The following NDUFB7 variants were observed in gnomAD, a reference collection of about 807,000 sequenced individuals.
NDUFB7 encodes NADH dehydrogenase [ubiquinone] 1 beta subcomplex subunit 7.
NDUFB7 carries 18 observed loss-of-function variants against 14.7 expected under a neutral mutation model. The ratio of observed to expected loss-of-function variants is 1.22; its 90% CI spans 0.85 to 1.81. The LOEUF (loss-of-function observed/expected upper bound fraction) is 1.81. NDUFB7 is among the 40% of genes most tolerant of loss of function. The pLI is 0.00. For missense variants in NDUFB7, 219 were observed against 195.0 expected, an observed-to-expected ratio of 1.12 and a Z score of -0.73; for synonymous variants, 86 against 76.1, an observed-to-expected ratio of 1.13 and a Z score of -0.68.
At chr19:14,571,521 C>T (rs1358488755) in intron 1 of NDUFB7, among the ~76,000 whole-genome samples, 1 of 151,142 alleles carries the variant, frequency 6.6e-6, no homozygotes, top group Non-Finnish European at 1.5e-5. Context: ...CGCTTGAACC[C>T]GGGAGGTGGA....
chr19:14,569,090 G>A (rs1305573011), intron 1 of NDUFB7, among the ~76,000 whole-genome samples: 1 of 152,088 alleles, frequency 6.6e-6, no homozygotes. Flanking sequence ...CGGGAGAATC[G>A]CTTGAACCGG....
In NDUFB7 at chr19:14,567,952, C is replaced by T. The variant is rs35189199; in HGVS notation, c.113-1019G>A. On this transcript the variant is annotated intron_variant, in intron 1 of 2. Transcript: ENST00000215565. The surrounding 1 kb of genome is among the most constrained non-coding windows in gnomAD (Gnocchi z 5.1). ...CCAACAGCCCAGGACCCCAGCCTCC[C>T]GCTTCCTTCTTTCCTGTGGCTCCTC... 0.098 allele frequency among the ~76,000 whole-genome samples: 14,912 copies of T among 152,228 alleles called. 998 individuals carry two copies. The highest frequency in any genetic ancestry group is 0.19 in the African/African-American group (7,989 of 41,530).
intron 2 of NDUFB7, 55 bp downstream of exon 2, chr19:14,566,709 TG>T (rs1305797350): frequency 1.1e-5 from 12 of 1,078,918 alleles, no homozygotes; most frequent in Middle Eastern, 3.7e-4. Flanking sequence ...TGTGGAAGGC[TG>T]GGGGTATGGG....
intron 1 of NDUFB7, among the ~76,000 whole-genome samples, chr19:14,571,084 G>A (rs980124272): frequency 3.9e-5 from 6 of 152,154 alleles, no homozygotes; most frequent in Non-Finnish European, 7.4e-5. Flanking sequence ...TTTGAGCCCA[G>A]GAGGTCGAGG....
intron 1 of NDUFB7, among the ~76,000 whole-genome samples, chr19:14,568,011 C>G (rs1350341837): frequency 6.6e-6 from 1 of 152,210 alleles, no homozygotes; most frequent in Non-Finnish European, 1.5e-5. Context: ...CCTCCCATCT[C>G]TATGGCTGCC....
In NDUFB7 at chr19:14,566,085, G is replaced by A. The variant is rs763365934; in HGVS notation, c.*48C>T. On this transcript the variant is annotated 3_prime_UTR_variant, in exon 3 of 3. Transcript: ENST00000215565. ...AGTAAGAGGGGACTCTGGTTGAGGG[G>A]CCTGAAGGCTTTTATTTGACTGGTC... The A allele has an allele frequency of 1.1e-5, 18 of 1,576,034 alleles. No individual in the cohort carries two copies. The highest frequency in any genetic ancestry group is 1.6e-5 in the Non-Finnish European group (18 of 1,159,946).
intron 1 of NDUFB7, among the ~76,000 whole-genome samples, chr19:14,571,371 G>C (rs919372456): frequency 1.3e-5 from 2 of 152,074 alleles, no homozygotes; most frequent in Non-Finnish European, 2.9e-5. Context: ...CGAGGCGGGC[G>C]GATCACTTGA....
At position 14,566,221 on chromosome 19, in the gene NDUFB7, A is replaced by G; in HGVS notation, c.326T>C (p.Leu109Pro). ...CTTCTCCCGCCGCTTCTTCCGCTGG[A>G]GCAGCCTCCGCTCCCGCTCAAACTC... The part of the protein sequence containing the change: ...MKEFERERRL[L>P]QRKKRREKKA... Residue 109 changes from leucine to proline, a missense_variant, in exon 3 of 3, where the codon CTC (leucine) becomes CCC (proline). Physicochemically the swap from Leu to Pro is moderately conservative, Grantham distance 98. Coordinates refer to ENST00000215565, the MANE Select transcript of NDUFB7 (RefSeq NM_004146.6). The G allele has an allele frequency of 6.2e-7, 1 of 1,613,976 alleles. No individual in the cohort carries two copies. Among genetic ancestry groups the G allele is most frequent in the Non-Finnish European group, 8.5e-7 (1 of 1,179,972 alleles).
At chr19:14,566,383 G>A (rs1249653227) in intron 2 of NDUFB7, 118 bp from the exon 3 acceptor site, 3 of 1,502,940 alleles carry the variant, frequency 2.0e-6, no homozygotes, top group East Asian at 2.3e-5. Context: ...AAGAAGACAT[G>A]TCCGAGTGCC....
intron 1 of NDUFB7, among the ~76,000 whole-genome samples, chr19:14,568,046 CCTTTTT>C (rs749741788): frequency 6.0e-4 from 91 of 152,176 alleles, no homozygotes; most frequent in Non-Finnish European, 1.2e-3. Context: ...GTTCTGGGAG[CCTTTTT>C]CTTTTCTTTT....
At position 14,567,702 on chromosome 19, in the gene NDUFB7, C is replaced by T. The variant is rs1386946903; in HGVS notation, c.113-769G>A. Among the ~76,000 whole-genome samples, 1 of 152,036 alleles carries T rather than the reference C, an allele frequency of 6.6e-6. No homozygotes were observed. Among genetic ancestry groups the T allele is most frequent in the Non-Finnish European group, 1.5e-5 (1 of 67,988 alleles). ...CAGCCTCCCTAGCCCTCCTGACGTC[C>T]ACCACATCTTTCTCGGTCCCAGCTC... On this transcript the variant is annotated intron_variant, in intron 1 of 2. Transcript: ENST00000215565. This position sits in a 1 kb window ranked among gnomAD's most constrained non-coding sequence, Gnocchi z 5.1.
At position 14,566,156 on chromosome 19, in the gene NDUFB7, C is replaced by T. The variant is rs1343223060; in HGVS notation, c.391G>A (p.Val131Met). ...CCCTACAGGGCCACCTTGGGGTCCA[C>T]TTCCCCGGGTCCCTGGCCTTTGGCC... is the stretch of plus-strand genomic sequence containing the variant. ...ELAKGQGPGE[V>M]DPKVAL The change falls in exon 3 of 3, where the codon GTG (valine) becomes ATG (methionine). Residue 131 changes from valine to methionine, a missense_variant. Val to Met is a conservative substitution (Grantham distance 21). Coordinates refer to ENST00000215565, the MANE Select transcript of NDUFB7 (RefSeq NM_004146.6). The T allele has an allele frequency of 6.2e-7, 1 of 1,612,642 alleles. No individual in the cohort carries two copies. The highest frequency in any genetic ancestry group is 8.5e-7 in the Non-Finnish European group (1 of 1,179,464).
chr19:14,566,280 CGA>C lies in NDUFB7; in HGVS notation c.282-17_282-16del, dbSNP rs1169204373. On this transcript the variant is annotated splice_polypyrimidine_tract_variant and intron_variant, in intron 2 of 2. Transcript: ENST00000215565. Reference sequence around the variant, plus strand: ...GCATCACATAGCTGGGGGAAAAGCACGAGAGGGGCTGTCAGGGTCCCTGGCCA... The same window carrying C: ...GCATCACATAGCTGGGGGAAAAGCACGAGGGGCTGTCAGGGTCCCTGGCCA... 63 of 1,613,546 alleles carry C rather than the reference CGA, an allele frequency of 3.9e-5. No homozygotes were observed. Among genetic ancestry groups the C allele is most frequent in the Non-Finnish European group, 5.3e-5 (62 of 1,179,986 alleles).
In NDUFB7 at chr19:14,568,367, C is replaced by T. The variant is rs528236555; in HGVS notation, c.113-1434G>A. ...GCCTGAGAGCCTTTTTCTCTGCTGC[C>T]GCCCCGTATGTAGATGAGCCCGATG... On this transcript the variant is annotated intron_variant, in intron 1 of 2. Coordinates refer to ENST00000215565, the MANE Select transcript of NDUFB7 (RefSeq NM_004146.6). Among the ~76,000 whole-genome samples, 322 of 152,252 alleles carry T rather than the reference C, an allele frequency of 2.1e-3. 2 individuals are homozygous for T. Among genetic ancestry groups the T allele is most frequent in the African/African-American group, 7.3e-3 (304 of 41,548 alleles).
intron 1 of NDUFB7, among the ~76,000 whole-genome samples, chr19:14,568,210 A>G (rs189361436): frequency 1.3e-5 from 2 of 152,140 alleles, no homozygotes; most frequent in Non-Finnish European, 2.9e-5. Flanking sequence ...ATGCCCGACT[A>G]ATTTTTGTAT....
Position 14,567,407 on chromosome 19 carries a change from C to CCT in NDUFB7, c.113-476_113-475dup, listed in dbSNP as rs3049969. On this transcript the variant is annotated intron_variant, in intron 1 of 2. Coordinates refer to ENST00000215565, the MANE Select transcript of NDUFB7 (RefSeq NM_004146.6). The surrounding 1 kb of genome is among the most constrained non-coding windows in gnomAD (Gnocchi z 5.1). The stretch of plus-strand genomic sequence containing the variant: ...AGCTCTGCACTGGCCGGCGGCGTGG[C>CCT]CTCTCTCTCAGCCTCAGAACTGACC... Among the ~76,000 whole-genome samples the CCT allele has an allele frequency of 0.58, 87,616 of 151,628 alleles. 25,612 individuals carry two copies. The highest frequency in any genetic ancestry group is 0.65 in the African/African-American group (26,701 of 41,316).
At chr19:14,571,789 T>A in intron 1 of NDUFB7, 100 bp downstream of exon 1, 1 of 1,123,148 alleles carries the variant, frequency 8.9e-7, no homozygotes, top group East Asian at 2.6e-5. Flanking sequence ...ATACAACACC[T>A]GAGGTTAGAG....
At chr19:14,569,067 C>T (rs777146876) in intron 1 of NDUFB7, among the ~76,000 whole-genome samples, 2 of 151,886 alleles carry the variant, frequency 1.3e-5, no homozygotes, top group East Asian at 1.9e-4. Context: ...CCCAGCTACT[C>T]GGGAGGCTGA....
chr19:14,571,774 C>T (rs2146644916), intron 1 of NDUFB7, 115 bp downstream of exon 1: 1 of 1,001,786 alleles, frequency 1.0e-6, no homozygotes. Context: ...TAGACCCAAA[C>T]CCAGATACAA....
Sources: allele counts gnomAD v4.1 joint callset (sites outside exome capture counted in the v4.1 genomes callset), GRCh38; gene constraint gnomAD v4.1.1; non-coding constraint Gnocchi (gnomAD v3.1); transcripts MANE v1.5; gene names NCBI Gene and HGNC (gene_info 2026-07-23, HGNC 2026-07-21).